Variants in GALNT16 observed in about 807,000 individuals in gnomAD.
GALNT16 encodes UDP-GalNAc:polypeptide N-acetylgalactosaminyltransferase-like protein 1.
In GALNT16, 40 loss-of-function variants were observed where a neutral mutation model predicts 76.1. That is an observed-to-expected ratio of 0.53 (90% CI 0.41 to 0.68). The LOEUF is 0.68. Ranked by LOEUF, GALNT16 falls within the 30% of genes least tolerant of loss-of-function variation. GALNT16 has a pLI of 0.00. For missense variants in GALNT16, 621 were observed against 731.9 expected, an observed-to-expected ratio of 0.85 and a Z score of 1.75; for synonymous variants, 276 against 285.2, an observed-to-expected ratio of 0.97 and a Z score of 0.32.
At position 69,341,725 on chromosome 14, in the gene GALNT16, C is replaced by A. The variant is rs751622079; in HGVS notation, c.1232C>A (p.Ser411Tyr). 1.4e-5 allele frequency: 22 copies of A among 1,613,114 alleles called. No individual in the cohort carries two copies. Among genetic ancestry groups the A allele is most frequent in the Non-Finnish European group, 1.9e-5 (22 of 1,179,402 alleles). The change falls in exon 12 of 15, where the codon TCC becomes TAC. Residue 411 changes from serine (S) to tyrosine (Y), a missense_variant. Transcript: ENST00000448469. ...CAGAGGAAGAAGATGAACTGCAAGT[C>A]CTTCCGCTGGTACCTGGAGAACGTC... ...IEQRKKMNCK[S>Y]FRWYLENVYP...
chr14:69,312,308 G>A (rs1488200864), intron 1 of GALNT16, among the ~76,000 whole-genome samples: 1 of 152,160 alleles, frequency 6.6e-6, no homozygotes, highest in African/African-American at 2.4e-5. Flanking sequence ...GATACTGACT[G>A]TGAAATACCT....
intron 2 of GALNT16, among the ~76,000 whole-genome samples, chr14:69,324,245 A>T (rs1218436998): frequency 2.0e-5 from 3 of 152,050 alleles, no homozygotes; most frequent in African/African-American, 7.3e-5. Context: ...TCCTCTGCAG[A>T]TTCTACCAAA....
downstream of GALNT16, among the ~76,000 whole-genome samples, chr14:69,359,819 G>C (rs756179115): frequency 1.3e-4 from 20 of 152,204 alleles, no homozygotes; most frequent in Non-Finnish European, 1.9e-4. Context: ...AAGGTCAGGA[G>C]ATCGAGACCA....
chr14:69,260,886 C>T (rs1056019487), intron 1 of GALNT16, among the ~76,000 whole-genome samples: 1 of 151,712 alleles, frequency 6.6e-6, no homozygotes, highest in African/African-American at 2.4e-5. Flanking sequence ...GGTGGCAGTG[C>T]GCAGCCCCTC....
Position 69,352,095 on chromosome 14 carries a change from C to T in GALNT16, c.1604C>T (p.Pro535Leu). ...SVSGLCLETK[P>L]AQLVTSKCQA... ...AGTGGCCTCTGCCTGGAGACAAAGC[C>T]TGCCCAGCTGGTGACCAGCAAGTGT... is the stretch of plus-strand genomic sequence containing the variant. Residue 535 changes from proline (P) to leucine (L), a missense_variant, in exon 15 of 15, where the codon CCT becomes CTT. By Grantham distance (98) the Pro-to-Leu change is moderately conservative (BLOSUM62 -3). Coordinates refer to ENST00000448469, the MANE Select transcript of GALNT16 (RefSeq NM_001168368.2). 1 of 1,614,044 alleles carries T rather than the reference C, an allele frequency of 6.2e-7. No individual in the cohort carries two copies. Among genetic ancestry groups the T allele is most frequent in the South Asian group, 1.1e-5 (1 of 91,058 alleles).
At chr14:69,372,841 T>C in the GALNT16 span, among the ~76,000 whole-genome samples, 1 of 152,222 alleles carries the variant, frequency 6.6e-6, no homozygotes, top group African/African-American at 2.4e-5. Context: ...TTTCAGTACC[T>C]GCACCTTCAA....
rs1174037407 is a variant in GALNT16 at position 69,325,999 on chromosome 14, C to T, written c.540C>T (p.Val180=). 14 of 1,614,092 alleles carry T rather than the reference C, an allele frequency of 8.7e-6. No individual in the cohort carries two copies. Among genetic ancestry groups the T allele is most frequent in the Non-Finnish European group, 1.1e-5 (13 of 1,179,952 alleles). ...TACTCCTGACCAGGATCCCCAAGGT[C>T]AAGTGCCTGCGCAATGATCGGCGGG... ...DCLLLTRIPK[V]KCLRNDRREG... is the part of the protein sequence containing the mutation. The change falls in exon 5 of 15, where the codon GTC becomes GTT. Residue 180 remains valine, a synonymous_variant. Transcript: ENST00000448469.
In GALNT16 at chr14:69,353,875, C is replaced by A. The variant is rs1019912879; in HGVS notation, c.*1707C>A. On this transcript the variant is annotated 3_prime_UTR_variant, in exon 15 of 15. Coordinates refer to ENST00000448469, the MANE Select transcript of GALNT16 (RefSeq NM_001168368.2). Reference sequence around the variant, plus strand: ...ACTGCCATCGCCTGCTCCCTCCACACGGCCCTTGGGGTCAGCAGCCAAGTG... The same window carrying A: ...ACTGCCATCGCCTGCTCCCTCCACAAGGCCCTTGGGGTCAGCAGCCAAGTG... 1 of 152,392 alleles carries A rather than the reference C, an allele frequency of 6.6e-6. No individual in the cohort carries two copies. Among genetic ancestry groups the A allele is most frequent in the Non-Finnish European group, 1.5e-5 (1 of 68,164 alleles). The allele number at this position is 152,392 out of a possible 1,614,324, so 9.4% of individuals were successfully genotyped here.
chr14:69,315,129 A>C (rs1233224546), intron 1 of GALNT16, among the ~76,000 whole-genome samples: 3 of 152,208 alleles, frequency 2.0e-5, no homozygotes, highest in African/African-American at 7.2e-5. Context: ...TTGTTTCCTA[A>C]ATTTAGCAGG....
At chr14:69,350,177 A>T (rs955627351) in intron 14 of GALNT16, 5 of 152,248 alleles carry the variant, frequency 3.3e-5, no homozygotes, top group South Asian at 2.1e-4. Context: ...GTGTCACTGC[A>T]CTCCTGCCTG....
intron 4 of GALNT16, 141 bp downstream of exon 4, chr14:69,325,545 G>T (rs2045270555): frequency 3.0e-6 from 2 of 677,230 alleles, no homozygotes; most frequent in Non-Finnish European, 5.4e-6. Flanking sequence ...TCTTTTCTAG[G>T]ACCCCTCCCT....
the GALNT16 span, among the ~76,000 whole-genome samples, chr14:69,364,160 A>G: frequency 2.0e-5 from 3 of 152,232 alleles, no homozygotes; most frequent in Non-Finnish European, 4.4e-5. This position sits in a 1 kb window ranked among gnomAD's most constrained non-coding sequence, Gnocchi z 4.2. Flanking sequence ...GATGAGTACA[A>G]TAAAACTACT....
chr14:69,316,477 A>G (rs1293966094), intron 1 of GALNT16, among the ~76,000 whole-genome samples: 1 of 152,204 alleles, frequency 6.6e-6, no homozygotes, highest in African/African-American at 2.4e-5. Flanking sequence ...TGAGATTGCA[A>G]TGAGTGCCTT....
At chr14:69,382,596 G>A in the GALNT16 span, among the ~76,000 whole-genome samples, 1 of 152,004 alleles carries the variant, frequency 6.6e-6, no homozygotes, top group African/African-American at 2.4e-5. Flanking sequence ...CACTTTGGGA[G>A]GCTGAGGCAG....
the GALNT16 span, among the ~76,000 whole-genome samples, chr14:69,382,863 T>C: frequency 6.6e-6 from 1 of 151,902 alleles, no homozygotes; most frequent in Non-Finnish European, 1.5e-5. Context: ...TAACTGGCAC[T>C]TGAAAATGAG....
At chr14:69,384,772 T>C in the GALNT16 span, among the ~76,000 whole-genome samples, 1 of 152,226 alleles carries the variant, frequency 6.6e-6, no homozygotes, top group African/African-American at 2.4e-5. Context: ...GTACCAGAGA[T>C]GCAGCAGTGA....
At chr14:69,342,164 AC>A (rs1240579968) in intron 12 of GALNT16, among the ~76,000 whole-genome samples, 1 of 151,776 alleles carries the variant, frequency 6.6e-6, no homozygotes, top group Non-Finnish European at 1.5e-5. Flanking sequence ...AAAATGAGAA[AC>A]CGCCAGGCAC....
At chr14:69,341,642 A>G in intron 11 of GALNT16, 39 bp from the exon 12 acceptor site, 1 of 1,425,318 alleles carries the variant, frequency 7.0e-7, no homozygotes. Flanking sequence ...TGCCTTCCAC[A>G]CTGGCAGGCC....
At chr14:69,266,890 G>A (rs2140099220) in intron 1 of GALNT16, among the ~76,000 whole-genome samples, 1 of 152,322 alleles carries the variant, frequency 6.6e-6, no homozygotes, top group East Asian at 1.9e-4. Context: ...GAGCTGCCAA[G>A]CAAGGACAGA....
Sources: allele counts gnomAD v4.1 joint callset (sites outside exome capture counted in the v4.1 genomes callset), GRCh38; gene constraint gnomAD v4.1.1; non-coding constraint Gnocchi (gnomAD v3.1); transcripts MANE v1.5; gene names NCBI Gene and HGNC (gene_info 2026-07-23, HGNC 2026-07-21).